DIP2A: variants seen among roughly 807,000 people sequenced by gnomAD.
DIP2A encodes the protein DIP2 acetate--CoA ligase A, also known as disco-interacting protein 2 homolog A.
Under a neutral mutation model 177.4 loss-of-function variants are expected in DIP2A, and 85 were observed. The ratio of observed to expected loss-of-function variants is 0.48; its 90% CI spans 0.40 to 0.57. DIP2A has a LOEUF of 0.57. Among genes scored for constraint, DIP2A ranks in the 20% least tolerant of loss-of-function variants. DIP2A has a pLI of 0.00. For missense variants in DIP2A, 1,791 were observed against 2,100.2 expected (o/e 0.85, Z 2.88); for synonymous variants, 886 against 881.8 (o/e 1.00, Z -0.08).
At chr21:46,561,203 C>A in intron 33 of DIP2A, 1 of 309,362 alleles carries the variant, frequency 3.2e-6, no homozygotes, top group Non-Finnish European at 5.5e-6. Context: ...ACCCATGTGA[C>A]ATTTGGTTTT....
intron 6 of DIP2A, among the ~76,000 whole-genome samples, chr21:46,507,610 T>C (rs1009034241): frequency 6.6e-6 from 1 of 151,658 alleles, no homozygotes; most frequent in Non-Finnish European, 1.5e-5. Flanking sequence ...CGTATAGCCA[T>C]GACCACTGTG....
chr21:46,496,711 C>T (rs1417795698), intron 3 of DIP2A, among the ~76,000 whole-genome samples: 12 of 152,222 alleles, frequency 7.9e-5, no homozygotes, highest in South Asian at 6.2e-4. Flanking sequence ...CAACTAGATA[C>T]ACATTTAGGC....
chr21:46,495,286 G>T (rs2057293219), intron 3 of DIP2A, among the ~76,000 whole-genome samples: 1 of 98,168 alleles, frequency 1.0e-5, no homozygotes, highest in Non-Finnish European at 2.1e-5. Context: ...CTCTGTTTTT[G>T]AGATGGAGTT....
chr21:46,537,270 G>A lies in DIP2A; in HGVS notation c.1689G>A (p.Leu563=), dbSNP rs1262400033. Residue 563 remains leucine, a synonymous_variant, in exon 14 of 38, where the codon CTG becomes CTA. Coordinates refer to ENST00000417564, the MANE Select transcript of DIP2A (RefSeq NM_015151.4). This position sits in a 1 kb window ranked among gnomAD's most constrained non-coding sequence, Gnocchi z 4.1. ...TGGATTTCAAAAGGGATGCTGGTCT[G>A]TGGCATGGCGTGTTAACAGTGAGTG... ...NVLDFKRDAG[L]WHGVLTSVMN... 1 of 1,614,052 alleles carries A rather than the reference G, an allele frequency of 6.2e-7. No individual in the cohort carries two copies. Among genetic ancestry groups the A allele is most frequent in the East Asian group, 2.2e-5 (1 of 44,880 alleles).
rs139715469 is a variant in DIP2A at position 46,555,895 on chromosome 21, T to C, written c.3389-87T>C. 1.5e-3 allele frequency: 1,506 copies of C among 1,003,786 alleles called. 20 individuals are homozygous for C. The East Asian group carries it at 0.029, about 19-fold the overall frequency. 62.2% of individuals were successfully genotyped at this position (1,003,786 alleles called of 1,614,324 possible). A position where few individuals can be genotyped will look rare whatever the true frequency, so the allele number is the denominator to read the frequency against. On this transcript the variant is annotated intron_variant, in intron 28 of 37. Coordinates refer to ENST00000417564, the MANE Select transcript of DIP2A (RefSeq NM_015151.4). ...TCTCTGCAGGACTCCCAAGGACAAA[T>C]CATGTGTCGCCTCTTGCCTGTGAAA...
rs146168809 is a variant in DIP2A at position 46,511,550 on chromosome 21, G to A, written c.1038G>A (p.Gln346=). 2.2e-5 allele frequency: 35 copies of A among 1,599,884 alleles called. No individual in the cohort carries two copies. The Middle Eastern group carries it at 5.0e-4, about 23-fold the overall frequency. The change falls in exon 8 of 38, where the codon CAG becomes CAA. Residue 346 remains glutamine (Q), a synonymous_variant. Coordinates refer to ENST00000417564, the MANE Select transcript of DIP2A (RefSeq NM_015151.4). ...LATLQRWGTT[Q]PKSPCLTALD... ...CCTTGCAGCGCTGGGGCACAACACA[G>A]CCCAAATCCCCCTGTCTGACTGCCT... is the stretch of plus-strand genomic sequence containing the variant.
intron 12 of DIP2A, 98 bp from the exon 13 acceptor site, chr21:46,534,487 C>T: frequency 8.3e-7 from 1 of 1,199,612 alleles, no homozygotes; most frequent in South Asian, 1.4e-5. Context: ...AGGAGAGACA[C>T]TGACCACTTC....
chr21:46,537,585 C>G lies in DIP2A; in HGVS notation c.1801+46C>G, dbSNP rs2059627645. On this transcript the variant is annotated intron_variant, in intron 15 of 37. Transcript: ENST00000417564. This position sits in a 1 kb window ranked among gnomAD's most constrained non-coding sequence, Gnocchi z 4.1. Reference sequence around the variant, plus strand: ...GGCCTTCACCCTTCTTTAGGGAAATCTCTTTGAACTGACCTTTGGTGCTTA... The same window carrying G: ...GGCCTTCACCCTTCTTTAGGGAAATGTCTTTGAACTGACCTTTGGTGCTTA... The G allele has an allele frequency of 1.3e-6, 2 of 1,562,312 alleles. No individual in the cohort carries two copies. Among genetic ancestry groups the G allele is most frequent in the Non-Finnish European group, 1.8e-6 (2 of 1,136,660 alleles).
chr21:46,559,093 T>C (rs914583766), intron 32 of DIP2A: 5 of 82,230 alleles, frequency 6.1e-5, no homozygotes, highest in East Asian at 3.4e-4. Flanking sequence ...CGAGACCCTG[T>C]CTCAAAAAAA....
At chr21:46,565,194 C>T (rs1231154094) in intron 35 of DIP2A, among the ~76,000 whole-genome samples, 6 of 145,354 alleles carry the variant, frequency 4.1e-5, no homozygotes, top group South Asian at 4.3e-4. Context: ...CACACAAACA[C>T]GTGGACAGGT....
At chr21:46,531,823 T>A (rs2059369221) in intron 9 of DIP2A, among the ~76,000 whole-genome samples, 1 of 152,242 alleles carries the variant, frequency 6.6e-6, no homozygotes, top group South Asian at 2.1e-4. Flanking sequence ...AACCTTGCCC[T>A]TTTCAACAAA....
rs1229532601 is a variant in DIP2A, at chr21:46,458,939, G to C, written c.-193G>C. The C allele has an allele frequency of 2.1e-5, 7 of 332,094 alleles. No individual in the cohort carries two copies. The highest frequency in any genetic ancestry group is 1.5e-4 in the African/African-American group (7 of 46,036). 20.6% of individuals were successfully genotyped at this position (332,094 alleles called of 1,614,324 possible). ...GGAGCGCGCGGGGCAGCGGCGGCGC[G>C]GCGGAGCCATCCGCGCTCGTGCCCG... On this transcript the variant is annotated 5_prime_UTR_variant, in exon 1 of 38. Coordinates refer to ENST00000417564, the MANE Select transcript of DIP2A (RefSeq NM_015151.4).
chr21:46,510,627 C>CT lies in DIP2A; in HGVS notation c.905-769dup, dbSNP rs3060304. On this transcript the variant is annotated intron_variant, in intron 7 of 37. Transcript: ENST00000417564. ...TCCAGGAGCTATATAATCAAATAAT[C>CT]TTTTTTTTTTTTTTTTTTTTTGAGG... is the stretch of plus-strand genomic sequence containing the variant. Among the ~76,000 whole-genome samples, 113 of 105,700 alleles carry CT rather than the reference C, an allele frequency of 1.1e-3. 1 individual carries two copies. Among genetic ancestry groups the CT allele is most frequent in the African/African-American group, 3.6e-3 (104 of 28,838 alleles). 69.3% of individuals were successfully genotyped at this position (105,700 alleles called of 152,430 possible).
intron 15 of DIP2A, 70 bp from the exon 16 acceptor site, chr21:46,538,413 C>CGT: frequency 1.3e-6 from 2 of 1,512,150 alleles, no homozygotes; most frequent in South Asian, 2.5e-5. Flanking sequence ...ATGAGGTACA[C>CGT]GTGTCTGTAG....
intron 3 of DIP2A, among the ~76,000 whole-genome samples, chr21:46,496,312 C>A (rs1284794912): frequency 2.0e-5 from 3 of 152,124 alleles, no homozygotes; most frequent in African/African-American, 7.2e-5. Context: ...ACAGGACTCA[C>A]GAAGAATCTA....
Position 46,556,273 on chromosome 21 carries a change from A to G in DIP2A, c.3498+182A>G. The G allele has an allele frequency of 6.8e-7, 1 of 1,468,308 alleles. No homozygotes were observed. 91.0% of individuals were successfully genotyped at this position (1,468,308 alleles called of 1,614,324 possible). On this transcript the variant is annotated intron_variant, in intron 29 of 37. Transcript: ENST00000417564. This position sits in a 1 kb window ranked among gnomAD's most constrained non-coding sequence, Gnocchi z 4.5. Reference sequence around the variant, plus strand: ...GCTAAGATGTGATTAGCCTGAGAGTAATGCGTTTTCTGATGCATTATGGTT... The same window carrying G: ...GCTAAGATGTGATTAGCCTGAGAGTGATGCGTTTTCTGATGCATTATGGTT...
At chr21:46,473,717 T>C (rs1412275948) in intron 1 of DIP2A, among the ~76,000 whole-genome samples, 2 of 152,014 alleles carry the variant, frequency 1.3e-5, no homozygotes, top group Non-Finnish European at 2.9e-5. Context: ...GGTTTCACCA[T>C]GTTGGCCAGG....
At chr21:46,573,919 C>G (rs531308520), downstream of DIP2A, among the ~76,000 whole-genome samples, 77 of 152,114 alleles carry the variant, frequency 5.1e-4, no homozygotes, top group African/African-American at 1.8e-3. Flanking sequence ...TTGGAAATGT[C>G]AGTGCCCTGC....
intron 1 of DIP2A, among the ~76,000 whole-genome samples, chr21:46,476,856 C>T (rs1215485498): frequency 2.0e-5 from 3 of 151,978 alleles, no homozygotes; most frequent in Non-Finnish European, 4.4e-5. Context: ...GGGGTTTCAC[C>T]ATGTTGGCCA....
Sources: gnomAD v4.1 joint callset for allele counts (sites outside exome capture counted in the v4.1 genomes callset) on GRCh38, gnomAD v4.1.1 for gene constraint, Gnocchi (gnomAD v3.1) non-coding constraint, MANE v1.5 for transcripts, NCBI Gene and HGNC (gene_info 2026-07-23, HGNC 2026-07-21) for gene names.